The following THBS2 variants were observed in gnomAD, a reference collection of about 807,000 sequenced individuals.
THBS2 encodes thrombospondin-2.
Under a neutral mutation model 135.2 loss-of-function variants are expected in THBS2, and 47 were observed. The ratio of observed to expected loss-of-function variants is 0.35; its 90% CI spans 0.28 to 0.44. The LOEUF (loss-of-function observed/expected upper bound fraction) is 0.44, where lower values mean the gene tolerates loss of function less well. Among genes scored for constraint, THBS2 ranks in the 20% least tolerant of loss-of-function variants. THBS2 has a pLI of 1.00. For missense variants in THBS2, 1,288 were observed against 1,603.1 expected (o/e 0.80, Z 3.36); for synonymous variants, 639 against 633.8 (o/e 1.01, Z -0.12).
At chr6:169,251,250 G>A (rs973787687) in intron 1 of THBS2, among the ~76,000 whole-genome samples, 5 of 152,048 alleles carry the variant, frequency 3.3e-5, no homozygotes, top group East Asian at 1.9e-4. Flanking sequence ...ATCTGTGAAC[G>A]CATTTTGTGT....
intron 4 of THBS2, among the ~76,000 whole-genome samples, chr6:169,242,470 T>C (rs1252477933): frequency 6.6e-6 from 1 of 151,928 alleles, no homozygotes; most frequent in East Asian, 1.9e-4. Context: ...CTTGCTCTGC[T>C]TTAAAGAAAA....
chr6:169,231,944 C>A, intron 13 of THBS2, 36 bp downstream of exon 13: 1 of 1,606,232 alleles, frequency 6.2e-7, no homozygotes, highest in South Asian at 1.1e-5. Flanking sequence ...GGCTGACCGC[C>A]GTGGCCCCGT....
At chr6:169,243,643 C>T (rs1780452844) in intron 4 of THBS2, among the ~76,000 whole-genome samples, 1 of 152,202 alleles carries the variant, frequency 6.6e-6, no homozygotes, top group South Asian at 2.1e-4. Context: ...TTAATAGAGA[C>T]AAAGAAACCA....
chr6:169,253,642 C>T (rs776712325), intron 1 of THBS2, 82 bp downstream of exon 1: 3 of 152,180 alleles, frequency 2.0e-5, no homozygotes, highest in Non-Finnish European at 4.4e-5. Context: ...TTTTCTTCTC[C>T]GCTTCTTAGA....
chr6:169,251,943 G>C (rs915715270), intron 1 of THBS2: 2 of 151,986 alleles, frequency 1.3e-5, no homozygotes, highest in Admixed American at 6.6e-5. Flanking sequence ...TCAGCACCAG[G>C]CTGAGCAATG....
chr6:169,222,818 A>G (rs9505949), intron 18 of THBS2, among the ~76,000 whole-genome samples: 442 of 23,794 alleles, frequency 0.019, 2 homozygotes, highest in African/African-American at 0.12. Flanking sequence ...GAAAAAAAAG[A>G]AAAAAAAAAG....
chr6:169,223,153 A>T (rs1050248320), intron 18 of THBS2, 95 bp downstream of exon 18: 2 of 1,175,396 alleles, frequency 1.7e-6, no homozygotes, highest in Admixed American at 2.4e-5. Context: ...ACCACATGGC[A>T]TCCCACCTGC....
At chr6:169,244,506 G>A (rs750526327) in intron 4 of THBS2, among the ~76,000 whole-genome samples, 4 of 151,622 alleles carry the variant, frequency 2.6e-5, no homozygotes, top group Non-Finnish European at 4.4e-5. Context: ...GGAACACCGC[G>A]AAGGGTATAT....
chr6:169,248,981 G>A lies in THBS2; in HGVS notation c.53-8C>T. The A allele has an allele frequency of 6.3e-7, 1 of 1,590,404 alleles. No homozygotes were observed. The highest frequency in any genetic ancestry group is 1.1e-5 in the South Asian group (1 of 87,172). The stretch of plus-strand genomic sequence containing the variant: ...CTTTGTCCTGGTGACCAGCTGCAAA[G>A]GGAACCGCAGTGGAGAAGGGTGACG... On this transcript the variant is annotated splice_polypyrimidine_tract_variant and splice_region_variant and intron_variant, in intron 2 of 21. Coordinates refer to ENST00000617924, the MANE Select transcript of THBS2 (RefSeq NM_003247.5).
rs1229460051 is a variant in THBS2 at position 169,252,945 on chromosome 6, AAC to A, written c.-23+777_-23+778del. 6.6e-6 allele frequency among the ~76,000 whole-genome samples: 1 copy of A among 152,196 alleles called. No individual in the cohort carries two copies. The highest frequency in any genetic ancestry group is 1.5e-5 in the Non-Finnish European group (1 of 68,030). On this transcript the variant is annotated intron_variant, in intron 1 of 21. Coordinates refer to ENST00000617924, the MANE Select transcript of THBS2 (RefSeq NM_003247.5). This position sits in a 1 kb window ranked among gnomAD's most constrained non-coding sequence, Gnocchi z 4.3. ...TCCACCACCAACAGCAGTCTGATTA[AAC>A]ACCAGACTCCTGGGTGCTCAGCTCC...
intron 13 of THBS2, 51 bp from the exon 14 acceptor site, chr6:169,229,730 C>T (rs760361369): frequency 2.0e-6 from 3 of 1,469,282 alleles, no homozygotes; most frequent in African/African-American, 1.4e-5. Flanking sequence ...GAAAGCGCCT[C>T]TTTCAGGAAT....
chr6:169,226,433 C>T (rs1015469178), intron 15 of THBS2, 135 bp from the exon 16 acceptor site: 1 of 586,894 alleles, frequency 1.7e-6, no homozygotes, highest in Non-Finnish European at 3.0e-6. Context: ...AAAAAGACGC[C>T]TAAGAATATA....
At position 169,221,415 on chromosome 6, in the gene THBS2, C is replaced by A. The variant is rs1314305875; in HGVS notation, c.3371+15G>T. The A allele has an allele frequency of 6.2e-7, 1 of 1,612,306 alleles. No homozygotes were observed. The highest frequency in any genetic ancestry group is 2.2e-5 in the East Asian group (1 of 44,868). On this transcript the variant is annotated intron_variant, in intron 20 of 21. Coordinates refer to ENST00000617924, the MANE Select transcript of THBS2 (RefSeq NM_003247.5). Reference sequence around the variant, plus strand: ...GCCCCTTGGAAGAAATGCAGCTGTGCTGACCTGCCCTCACCTGATGTAGCC... The same window carrying A: ...GCCCCTTGGAAGAAATGCAGCTGTGATGACCTGCCCTCACCTGATGTAGCC...
At chr6:169,229,498 G>A in intron 14 of THBS2, 74 bp downstream of exon 14, 1 of 1,145,650 alleles carries the variant, frequency 8.7e-7, no homozygotes, top group Non-Finnish European at 1.3e-6. Context: ...AGGGCTGTTT[G>A]GTATAAAGTG....
chr6:169,229,683 C>T lies in THBS2; in HGVS notation c.2152-4G>A. The T allele has an allele frequency of 6.2e-7, 1 of 1,610,902 alleles. No homozygotes were observed. The highest frequency in any genetic ancestry group is 8.5e-7 in the Non-Finnish European group (1 of 1,177,244). On this transcript the variant is annotated splice_region_variant and splice_polypyrimidine_tract_variant and intron_variant, in intron 13 of 21. Transcript: ENST00000617924. ...TTGGCAGATGGGGGCAGTTATCCTG[C>T]AATTGGAGAAGGAAGAATACTTGGA...
At chr6:169,248,391 G>T in intron 3 of THBS2, 26 bp downstream of exon 3, 1 of 1,575,096 alleles carries the variant, frequency 6.3e-7, no homozygotes. Context: ...CCTCCCTCAC[G>T]GCGGCCACCT....
intron 4 of THBS2, among the ~76,000 whole-genome samples, chr6:169,245,791 C>CAAAAAA (rs77953553): frequency 1.2e-5 from 1 of 84,944 alleles, no homozygotes. Context: ...GACTCTGGCT[C>CAAAAAA]AAAAAAAAAA....
Position 169,248,697 on chromosome 6 carries a change from T to C in THBS2, c.329A>G (p.Gln110Arg). The C allele has an allele frequency of 6.2e-7, 1 of 1,613,800 alleles. No individual in the cohort carries two copies. Among genetic ancestry groups the C allele is most frequent in the Non-Finnish European group, 8.5e-7 (1 of 1,179,908 alleles). ...GTTGGAGACGATCTCGAACTGCCTC[T>C]GGGAGAGACCGGGGCCCTCCAGAGC... ...LLALEGPGLS[Q>R]RQFEIVSNGP... The change falls in exon 3 of 22, where the codon CAG becomes CGG. Residue 110 changes from glutamine (Q) to arginine (R), a missense_variant. This residue lies in a region of THBS2 where 414 missense variants were observed against 447.0 expected (regional missense o/e 0.93). Transcript: ENST00000617924.
At chr6:169,224,675 G>T (rs74507247) in intron 17 of THBS2, among the ~76,000 whole-genome samples, 3 of 152,054 alleles carry the variant, frequency 2.0e-5, no homozygotes, top group South Asian at 2.1e-4. Flanking sequence ...TTGGGCCCCC[G>T]TGGCTATGGG....
Sources: allele counts gnomAD v4.1 joint callset (sites outside exome capture counted in the v4.1 genomes callset), GRCh38; gene constraint gnomAD v4.1.1; regional missense constraint gnomAD v4.1.1; non-coding constraint Gnocchi (gnomAD v3.1); transcripts MANE v1.5; gene names NCBI Gene and HGNC (gene_info 2026-07-23, HGNC 2026-07-21).